The following MYO5B variants were observed in gnomAD, a reference collection of about 807,000 sequenced individuals.
MYO5B encodes myosin VB, also known as unconventional myosin-Vb.
In MYO5B, 143 loss-of-function variants were observed where a neutral mutation model predicts 229.3. The ratio of observed to expected loss-of-function variants is 0.62; its 90% CI spans 0.54 to 0.72. The LOEUF (loss-of-function observed/expected upper bound fraction) is 0.72. Ranked by LOEUF, MYO5B falls within the 30% of genes least tolerant of loss-of-function variation. MYO5B has a pLI of 0.00. For synonymous variants in MYO5B, 918 were observed against 885.2 expected, an observed-to-expected ratio of 1.04 and a Z score of -0.66; for missense variants, 2,321 against 2,331.0, an observed-to-expected ratio of 1.00 and a Z score of 0.09.
At chr18:49,993,652 C>G (rs752650449) in intron 5 of MYO5B, among the ~76,000 whole-genome samples, 1 of 152,104 alleles carries the variant, frequency 6.6e-6, no homozygotes, top group Admixed American at 6.6e-5. Context: ...AAGTTCCAAA[C>G]GGGTCAAACT....
chr18:50,147,663 C>T (rs537015558), intron 1 of MYO5B, among the ~76,000 whole-genome samples: 3 of 152,290 alleles, frequency 2.0e-5, no homozygotes, highest in East Asian at 1.9e-4. Context: ...CTAACATCTT[C>T]GGTAGCATAC....
intron 21 of MYO5B, among the ~76,000 whole-genome samples, chr18:49,900,175 C>T (rs1231852728): frequency 6.6e-6 from 1 of 152,246 alleles, no homozygotes; most frequent in Non-Finnish European, 1.5e-5. Context: ...TAACTCACAA[C>T]ATTTGACTAA....
At chr18:49,983,861 C>T (rs188339511) in intron 8 of MYO5B, among the ~76,000 whole-genome samples, 24 of 152,210 alleles carry the variant, frequency 1.6e-4, no homozygotes, top group Non-Finnish European at 3.2e-4. Context: ...AGGTGTGTCC[C>T]GTTTGACCAT....
intron 1 of MYO5B, among the ~76,000 whole-genome samples, chr18:50,136,158 G>A (rs2032331263): frequency 6.6e-6 from 1 of 152,158 alleles, no homozygotes; most frequent in African/African-American, 2.4e-5. Context: ...CTTCACAGGA[G>A]GATGAAACTG....
intron 24 of MYO5B, among the ~76,000 whole-genome samples, chr18:49,878,614 C>T (rs758194699): frequency 2.6e-5 from 4 of 152,162 alleles, no homozygotes; most frequent in Non-Finnish European, 4.4e-5. Flanking sequence ...CACACACACA[C>T]TAATGAAGCT....
At position 50,047,208 on chromosome 18, in the gene MYO5B, T is replaced by C. The variant is rs1271758951; in HGVS notation, c.139-6894A>G. ...CTACTCATCTGACAAAGGGCTAATA[T>C]CCAGAATCTACAATGAACTCTAACA... On this transcript the variant is annotated intron_variant, in intron 2 of 39. Transcript: ENST00000285039. Among the ~76,000 whole-genome samples the C allele has an allele frequency of 2.6e-5, 4 of 151,974 alleles. No individual in the cohort carries two copies. In the East Asian group the frequency reaches 5.8e-4, roughly 22 times the overall value.
At chr18:50,073,650 C>T (rs2031011111) in intron 1 of MYO5B, among the ~76,000 whole-genome samples, 2 of 152,154 alleles carry the variant, frequency 1.3e-5, no homozygotes, top group Non-Finnish European at 2.9e-5. Flanking sequence ...AGATCTCAAC[C>T]CTCATATCCA....
chr18:50,179,454 C>T (rs944234596), intron 1 of MYO5B, among the ~76,000 whole-genome samples: 7 of 152,170 alleles, frequency 4.6e-5, no homozygotes, highest in Non-Finnish European at 7.4e-5. Context: ...TAGGAAGCTG[C>T]CCAGGAGTCA....
chr18:50,069,159 A>G (rs2030892844), intron 1 of MYO5B, among the ~76,000 whole-genome samples: 1 of 152,098 alleles, frequency 6.6e-6, no homozygotes, highest in Non-Finnish European at 1.5e-5. Flanking sequence ...TAAAAGGGCA[A>G]TGTTCCCCGG....
intron 2 of MYO5B, 73 bp from the exon 3 acceptor site, chr18:50,040,387 C>G: frequency 2.2e-6 from 3 of 1,374,248 alleles, no homozygotes; most frequent in Non-Finnish European, 3.1e-6. Context: ...GTCCTGTCTT[C>G]TTAGCTGGAA....
chr18:49,931,086 C>A (rs2025185499), intron 16 of MYO5B, among the ~76,000 whole-genome samples: 1 of 152,192 alleles, frequency 6.6e-6, no homozygotes, highest in Non-Finnish European at 1.5e-5. Context: ...TTCTGACTGT[C>A]CTGCAGCTCA....
chr18:49,925,508 T>G (rs2025119591), intron 17 of MYO5B, among the ~76,000 whole-genome samples: 1 of 152,208 alleles, frequency 6.6e-6, no homozygotes, highest in South Asian at 2.1e-4. Flanking sequence ...TCAGAAGAAA[T>G]CTCTTCAAAT....
intron 1 of MYO5B, among the ~76,000 whole-genome samples, chr18:50,065,902 A>G (rs866636361): frequency 1.3e-5 from 2 of 152,058 alleles, no homozygotes; most frequent in Non-Finnish European, 2.9e-5. Flanking sequence ...TACCTGTGTG[A>G]TAAGTCTGGG....
intron 27 of MYO5B, among the ~76,000 whole-genome samples, chr18:49,864,818 C>G (rs1264763397): frequency 6.6e-6 from 1 of 152,178 alleles, no homozygotes; most frequent in Non-Finnish European, 1.5e-5. Flanking sequence ...GCCCAGAGAA[C>G]CCGTTGCTCC....
chr18:49,879,061 T>A lies in MYO5B; in HGVS notation c.3160A>T (p.Asn1054Tyr), dbSNP rs1194253918. Residue 1054 changes from asparagine to tyrosine, a missense_variant, in exon 24 of 40, where the codon AAT becomes TAT. Around this residue, in one of 2 missense-constraint regions of MYO5B, gnomAD observed 2,113 missense variants for 2,044.7 expected, o/e 1.03. Coordinates refer to ENST00000285039, the MANE Select transcript of MYO5B (RefSeq NM_001080467.3). Reference sequence around the variant, plus strand: ...TCCTCCAGTTCTTTCTTCATGAGATTTTCCTTCACAGAGTTCTGGGCAAAT... The same window carrying A: ...TCCTCCAGTTCTTTCTTCATGAGATATTCCTTCACAGAGTTCTGGGCAAAT... ...DEFAQNSVKE[N>Y]LMKKELEEER... 6.3e-7 allele frequency: 1 copy of A among 1,599,382 alleles called. No individual in the cohort carries two copies. The highest frequency in any genetic ancestry group is 1.4e-5 in the African/African-American group (1 of 73,634).
chr18:49,984,792 C>A lies in MYO5B; in HGVS notation c.872G>T (p.Gly291Val). Reference protein sequence around the residue: ...SAEDFFYTSQGGDTSIEGVDD... With the variant: ...SAEDFFYTSQVGDTSIEGVDD... ...CACACCCTCGATGGAAGTGTCTCCTCCCTGTGATGTATAGAAAAAGTCCTC... is the reference window on the plus strand; with the variant it reads ...CACACCCTCGATGGAAGTGTCTCCTACCTGTGATGTATAGAAAAAGTCCTC... Residue 291 changes from glycine to valine, a missense_variant, in exon 8 of 40, where the codon GGA (glycine) becomes GTA (valine). This residue lies in a region of MYO5B where 2,113 missense variants were observed against 2,044.7 expected (regional missense o/e 1.03). Transcript: ENST00000285039. 6.2e-7 allele frequency: 1 copy of A among 1,613,778 alleles called. No homozygotes were observed. Among genetic ancestry groups the A allele is most frequent in the African/African-American group, 1.3e-5 (1 of 75,022 alleles).
chr18:49,826,595 T>C lies in MYO5B; in HGVS notation c.5423A>G (p.Gln1808Arg). The part of the protein sequence containing the change: ...QAQLQERNDP[Q>R]QLLLDAKHMF... ...GTGCTTGGCATCTAATAGCAGTTGC[T>C]GAGGGTCATTCCGCTCTTGTAGTTG... is the stretch of plus-strand genomic sequence containing the variant. The change falls in exon 40 of 40, where the codon CAG becomes CGG. Residue 1808 changes from glutamine (Q) to arginine (R), a missense_variant. Around this residue, in one of 2 missense-constraint regions of MYO5B, gnomAD observed 208 missense variants for 286.3 expected, o/e 0.73. Transcript: ENST00000285039. 1 of 1,613,740 alleles carries C rather than the reference T, an allele frequency of 6.2e-7. No individual in the cohort carries two copies. The highest frequency in any genetic ancestry group is 8.5e-7 in the Non-Finnish European group (1 of 1,179,924).
rs748882851 is a variant in MYO5B, at chr18:49,843,262, G to A, written c.4590C>T (p.Asn1530=). The part of the protein sequence containing the change: ...KVHSLLTSTI[N]GIKKVLKKHN... Reference sequence around the variant, plus strand: ...TTACTTTCAGGACTTTCTTAATGCCGTTGATGGTGGAGGTCAGCAGGGAGT... The same window carrying A: ...TTACTTTCAGGACTTTCTTAATGCCATTGATGGTGGAGGTCAGCAGGGAGT... Residue 1530 remains asparagine (N), a synonymous_variant, in exon 34 of 40, where the codon AAC becomes AAT. Transcript: ENST00000285039. The A allele has an allele frequency of 8.1e-6, 13 of 1,614,044 alleles. No individual in the cohort carries two copies. Among genetic ancestry groups the A allele is most frequent in the African/African-American group, 1.3e-5 (1 of 74,918 alleles).
chr18:50,165,141 G>C (rs2032825709), intron 1 of MYO5B, among the ~76,000 whole-genome samples: 1 of 152,214 alleles, frequency 6.6e-6, no homozygotes, highest in South Asian at 2.1e-4. Flanking sequence ...TCAACTCAGG[G>C]GAGAGATGCA....
Sources: gnomAD v4.1 joint callset for allele counts (sites outside exome capture counted in the v4.1 genomes callset) on GRCh38, gnomAD v4.1.1 for gene constraint, gnomAD v4.1.1 regional missense constraint, MANE v1.5 for transcripts, NCBI Gene and HGNC (gene_info 2026-07-23, HGNC 2026-07-21) for gene names.